SUMF1: variants seen among roughly 807,000 people sequenced by gnomAD.
SUMF1 encodes the protein sulfatase modifying factor 1.
Under a neutral mutation model 47.6 loss-of-function variants are expected in SUMF1, and 48 were observed. The ratio of observed to expected loss-of-function variants is 1.01; its 90% CI spans 0.80 to 1.28. The LOEUF is 1.28. Ranked by LOEUF, SUMF1 falls within the 50% of genes most tolerant of loss-of-function variation. The pLI is 0.00. For synonymous variants in SUMF1, 230 were observed against 192.1 expected, an observed-to-expected ratio of 1.20 and a Z score of -1.63; for missense variants, 571 against 485.4, an observed-to-expected ratio of 1.18 and a Z score of -1.66.
intron 8 of SUMF1, among the ~76,000 whole-genome samples, chr3:4,086,268 C>T (rs1159803145): frequency 1.3e-5 from 2 of 151,404 alleles, no homozygotes; most frequent in African/African-American, 4.9e-5. Context: ...ACTAAAACAT[C>T]TAACAAAGAA....
In SUMF1 at chr3:4,364,639, C is replaced by T. The variant is rs1303812707; in HGVS notation, c.1015-2385G>A. On this transcript the variant is annotated intron_variant, in intron 8 of 8. Coordinates refer to ENST00000272902, the MANE Select transcript of SUMF1 (RefSeq NM_182760.4). The stretch of plus-strand genomic sequence containing the variant: ...TTTTCTTCTTTATTAGTCTTGCTAG[C>T]GGTCTATCAATTTTGTTGATCCTTT... 3.6e-3 allele frequency among the ~76,000 whole-genome samples: 512 copies of T among 141,360 alleles called. 4 individuals are homozygous for T. The highest frequency in any genetic ancestry group is 0.011 in the Middle Eastern group (3 of 278). 92.7% of individuals were successfully genotyped at this position (141,360 alleles called of 152,430 possible).
intron 8 of SUMF1, among the ~76,000 whole-genome samples, chr3:4,312,277 A>G (rs1044561289): frequency 6.6e-6 from 1 of 152,200 alleles, no homozygotes; most frequent in African/African-American, 2.4e-5. Context: ...AAAAGAGATC[A>G]AAAGCTAAGG....
intron 9 of SUMF1, among the ~76,000 whole-genome samples, chr3:4,062,507 G>C (rs1454516699): frequency 1.3e-5 from 2 of 152,096 alleles, no homozygotes; most frequent in East Asian, 3.8e-4. Flanking sequence ...TCATGGACAG[G>C]ATAGTAAGAA....
chr3:4,055,446 C>T (rs1202838224), intron 9 of SUMF1, among the ~76,000 whole-genome samples: 2 of 152,082 alleles, frequency 1.3e-5, no homozygotes, highest in Non-Finnish European at 1.5e-5. Flanking sequence ...GCAGCTTAAA[C>T]CACACAAATT....
At chr3:4,267,421 C>A (rs1697218420) in intron 8 of SUMF1, among the ~76,000 whole-genome samples, 1 of 152,096 alleles carries the variant, frequency 6.6e-6, no homozygotes, top group South Asian at 2.1e-4. Context: ...TTGGTCTATT[C>A]AGAGATTCAA....
At chr3:4,191,223 T>G (rs1485109764) in intron 8 of SUMF1, among the ~76,000 whole-genome samples, 1 of 152,132 alleles carries the variant, frequency 6.6e-6, no homozygotes, top group Non-Finnish European at 1.5e-5. Context: ...TTTATGTTCA[T>G]TTAGAGTGGC....
At chr3:4,193,296 T>C (rs1695359529) in intron 8 of SUMF1, among the ~76,000 whole-genome samples, 1 of 152,108 alleles carries the variant, frequency 6.6e-6, no homozygotes, top group South Asian at 2.1e-4. Flanking sequence ...ACCCTTTGTG[T>C]CTCTTCATTT....
chr3:4,243,677 T>C (rs967716938), intron 8 of SUMF1, among the ~76,000 whole-genome samples: 16 of 152,218 alleles, frequency 1.1e-4, no homozygotes, highest in African/African-American at 3.1e-4. Context: ...AGTGTTTTAC[T>C]TCCAATTATG....
chr3:4,318,113 T>C (rs953219857), intron 8 of SUMF1, among the ~76,000 whole-genome samples: 4 of 151,626 alleles, frequency 2.6e-5, no homozygotes, highest in African/African-American at 9.7e-5. Context: ...GACACATGAG[T>C]TAAAGAAGAC....
At chr3:4,253,846 C>G (rs1296718755) in intron 8 of SUMF1, among the ~76,000 whole-genome samples, 1 of 149,258 alleles carries the variant, frequency 6.7e-6, no homozygotes, top group Non-Finnish European at 1.5e-5. Context: ...GTAACCTCTG[C>G]AGACTTAAAT....
intron 8 of SUMF1, among the ~76,000 whole-genome samples, chr3:4,259,214 G>T (rs910452952): frequency 7.2e-5 from 11 of 151,878 alleles, no homozygotes; most frequent in Non-Finnish European, 1.5e-4. Context: ...GTATACATAT[G>T]TAAGTAACCT....
intron 8 of SUMF1, among the ~76,000 whole-genome samples, chr3:4,239,642 G>C (rs748588780): frequency 6.6e-6 from 1 of 152,210 alleles, no homozygotes; most frequent in South Asian, 2.1e-4. Flanking sequence ...CTTTGCTGAA[G>C]TTGCTTATTA....
intron 8 of SUMF1, among the ~76,000 whole-genome samples, chr3:4,315,403 A>T (rs1031647619): frequency 6.6e-6 from 1 of 152,176 alleles, no homozygotes; most frequent in Non-Finnish European, 1.5e-5. Flanking sequence ...CAGCAGAGAT[A>T]TTCCCAGAGG....
intron 8 of SUMF1, among the ~76,000 whole-genome samples, chr3:4,311,032 A>G (rs1021519947): frequency 2.0e-5 from 3 of 152,216 alleles, no homozygotes; most frequent in African/African-American, 7.2e-5. Context: ...TCCTTTATCC[A>G]TTTAGGATAT....
chr3:4,335,706 A>G (rs1699132853), intron 8 of SUMF1, among the ~76,000 whole-genome samples: 1 of 152,128 alleles, frequency 6.6e-6, no homozygotes, highest in African/African-American at 2.4e-5. Context: ...GCACTTTGGG[A>G]GGCCAAGGCG....
chr3:4,113,851 G>A (rs17039924), intron 8 of SUMF1, among the ~76,000 whole-genome samples: 7,623 of 152,042 alleles, frequency 0.05, 528 homozygotes, highest in East Asian at 0.16. Flanking sequence ...CCACAGATCC[G>A]GATGCCTCCT....
At chr3:4,421,953 G>A (rs1701914070) in intron 3 of SUMF1, among the ~76,000 whole-genome samples, 1 of 152,192 alleles carries the variant, frequency 6.6e-6, no homozygotes, top group African/African-American at 2.4e-5. Context: ...AAAACACCAA[G>A]CCCCATTCTT....
chr3:4,250,739 C>T (rs1034434419), intron 8 of SUMF1, among the ~76,000 whole-genome samples: 4 of 152,062 alleles, frequency 2.6e-5, no homozygotes, highest in Admixed American at 2.0e-4. Context: ...TTCTAATCTG[C>T]TTAAATGGAA....
At chr3:4,375,064 A>G (rs1575148625) in intron 8 of SUMF1, among the ~76,000 whole-genome samples, 1 of 133,876 alleles carries the variant, frequency 7.5e-6, no homozygotes, top group East Asian at 2.5e-4. Flanking sequence ...TGAGCCCAGG[A>G]GGTCGGGGCT....
Sources: gnomAD v4.1 joint callset for allele counts (sites outside exome capture counted in the v4.1 genomes callset) on GRCh38, gnomAD v4.1.1 for gene constraint, MANE v1.5 for transcripts, NCBI Gene and HGNC (gene_info 2026-07-23, HGNC 2026-07-21) for gene names.